MUC5AC: variants seen among roughly 807,000 people sequenced by gnomAD.
MUC5AC encodes mucin 5AC, oligomeric mucus/gel-forming.
Under a neutral mutation model 169.7 loss-of-function variants are expected in MUC5AC, and 158 were observed. The observed-to-expected ratio is 0.93, with a 90% CI of 0.82 to 1.06. The LOEUF (loss-of-function observed/expected upper bound fraction) is 1.06, where lower values mean the gene tolerates loss of function less well. Among genes scored for constraint, MUC5AC ranks in the 50% least tolerant of loss-of-function variants. The pLI is 0.00. For missense variants in MUC5AC, 4,359 were observed against 3,089.9 expected (o/e 1.41, Z -9.74); for synonymous variants, 1,975 against 1,237.0 (o/e 1.60, Z -12.52).
rs916437506 is a variant in MUC5AC, at chr11:1,172,454, G to A, written c.1896G>A (p.Ser632=). 5.3e-5 allele frequency: 21 copies of A among 398,670 alleles called. No homozygotes were observed. The highest frequency in any genetic ancestry group is 2.5e-4 in the African/African-American group (12 of 48,752). 24.7% of individuals were successfully genotyped at this position (398,670 alleles called of 1,614,324 possible). ...ENEKYAQHWC[S]QLTDADGPFG... The stretch of plus-strand genomic sequence containing the variant: ...AGAAGTATGCTCAGCACTGGTGCTC[G>A]CAGCTGACCGATGCCGACGGCCCCT... Residue 632 remains serine, a synonymous_variant, in exon 16 of 49, where the codon TCG becomes TCA. Transcript: ENST00000621226.
In MUC5AC at chr11:1,195,131, C is replaced by T. The variant is rs74406541; in HGVS notation, c.15310C>T (p.Arg5104Trp). The change falls in exon 36 of 49, where the codon CGG becomes TGG. Residue 5104 changes from arginine to tryptophan, a missense_variant. Transcript: ENST00000621226. Reference sequence around the variant, plus strand: ...CATACCCGACCAGCCAGCCTGCCACCGGCCTCACCCGACGCCCACCACGGT... The same window carrying T: ...CATACCCGACCAGCCAGCCTGCCACTGGCCTCACCCGACGCCCACCACGGT... Reference protein sequence around the residue: ...VSIPDQPACHRPHPTPTTVGP... With the variant: ...VSIPDQPACHWPHPTPTTVGP... 16 of 764,316 alleles carry T rather than the reference C, an allele frequency of 2.1e-5. No individual in the cohort carries two copies. Among genetic ancestry groups the T allele is most frequent in the African/African-American group, 1.7e-4 (10 of 59,136 alleles). The allele number at this position is 764,316 out of a possible 1,614,324, so 47.3% of individuals were successfully genotyped here.
In MUC5AC at chr11:1,168,986, G is replaced by C. The variant is rs764010527; in HGVS notation, c.1830G>C (p.Arg610Ser). 6.2e-7 allele frequency: 1 copy of C among 1,608,916 alleles called. No homozygotes were observed. Among genetic ancestry groups the C allele is most frequent in the African/African-American group, 1.3e-5 (1 of 74,938 alleles). Residue 610 changes from arginine to serine, a missense_variant, in exon 15 of 49, where the codon AGG becomes AGC. Arg to Ser is a moderately radical substitution (Grantham distance 110). Coordinates refer to ENST00000621226, the MANE Select transcript of MUC5AC (RefSeq NM_001304359.2). ...CCCAGGCCGCCTGCCCCAACATCAG[G>C]AACAGCTTCGAGGACCCCTGCTCTC... ...FKTQAACPNI[R>S]NSFEDPCSLS...
chr11:1,161,003 C>T (rs1163645400), intron 2 of MUC5AC, among the ~76,000 whole-genome samples: 1 of 152,204 alleles, frequency 6.6e-6, no homozygotes, highest in African/African-American at 2.4e-5. Context: ...CTTGGTGTCC[C>T]CCCCGTTCAC....
At chr11:1,162,206 G>T (rs372150343) in intron 4 of MUC5AC, 38 bp downstream of exon 4, 3 of 1,594,672 alleles carry the variant, frequency 1.9e-6, no homozygotes, top group Non-Finnish European at 2.6e-6. Flanking sequence ...GCCACGCGGC[G>T]TGTGGGGTGG....
chr11:1,190,384 G>A lies in MUC5AC; in HGVS notation c.12239G>A (p.Ser4080Asn). Residue 4080 changes from serine to asparagine, a missense_variant, in exon 31 of 49, where the codon AGC becomes AAC. Ser to Asn is a conservative substitution (Grantham distance 46). Transcript: ENST00000621226. ...PSGRATSPTQ[S>N]TSSWQKSRTT... ...GGGAGAGCCACCAGCCCAACTCAGAGCACTTCCTCTTGGCAGAAATCCAGG... is the reference window on the plus strand; with the variant it reads ...GGGAGAGCCACCAGCCCAACTCAGAACACTTCCTCTTGGCAGAAATCCAGG... The A allele has an allele frequency of 1.5e-6, 1 of 661,306 alleles. No homozygotes were observed. Among genetic ancestry groups the A allele is most frequent in the Non-Finnish European group, 2.7e-6 (1 of 364,078 alleles). The allele number at this position is 661,306 out of a possible 1,614,324, so 41.0% of individuals were successfully genotyped here.
In MUC5AC at chr11:1,165,764, C is replaced by T. The variant is rs764205512; in HGVS notation, c.1386+4C>T. ...CTGCAGCTATGTGCTGACCAAGGTA[C>T]GGCCTGGCTGCCTGGGGTGCTCGCC... On this transcript the variant is annotated splice_donor_region_variant and intron_variant, in intron 11 of 48. Coordinates refer to ENST00000621226, the MANE Select transcript of MUC5AC (RefSeq NM_001304359.2). 22 of 1,611,564 alleles carry T rather than the reference C, an allele frequency of 1.4e-5. No individual in the cohort carries two copies. Among genetic ancestry groups the T allele is most frequent in the Admixed American group, 3.3e-5 (2 of 60,008 alleles).
rs1301285572 is a variant in MUC5AC at position 1,187,277 on chromosome 11, A to G, written c.9132A>G (p.Thr3044=). ...TSTTSTPTSS[T]TSSPQTSTTS... ...CAACCTCTACCCCTACAAGCAGCAC[A>G]ACCTCCTCTCCACAGACCAGCACAA... is the stretch of plus-strand genomic sequence containing the variant. Residue 3044 remains threonine, a synonymous_variant, in exon 31 of 49, where the codon ACA becomes ACG. Coordinates refer to ENST00000621226, the MANE Select transcript of MUC5AC (RefSeq NM_001304359.2). 1.4e-3 allele frequency: 1,004 copies of G among 696,558 alleles called. No homozygotes were observed. The highest frequency in any genetic ancestry group is 2.1e-3 in the Non-Finnish European group (802 of 382,948). The allele number at this position is 696,558 out of a possible 1,614,324, so 43.1% of individuals were successfully genotyped here.
intron 36 of MUC5AC, 31 bp from the exon 37 acceptor site, chr11:1,195,845 G>T (rs765043256): frequency 1.3e-6 from 1 of 758,066 alleles, no homozygotes. Flanking sequence ...CGGAGAGGCT[G>T]CACCCAGCAC....
intron 40 of MUC5AC, 145 bp downstream of exon 40, chr11:1,197,053 C>A: frequency 1.6e-6 from 1 of 629,062 alleles, no homozygotes; most frequent in Non-Finnish European, 2.8e-6. Context: ...GAAAGGGCTG[C>A]GGGAGGAGCC....
chr11:1,161,367 ATGG>A (rs1860135133), intron 2 of MUC5AC, among the ~76,000 whole-genome samples, 157 bp from the exon 3 acceptor site: 1 of 93,032 alleles, frequency 1.1e-5, no homozygotes, highest in Admixed American at 1.6e-4. Context: ...CAACGTGCAG[ATGG>A]TGGGTGGGTG....
intron 11 of MUC5AC, among the ~76,000 whole-genome samples, chr11:1,166,886 C>T (rs1860348637): frequency 2.9e-5 from 1 of 35,030 alleles, no homozygotes; most frequent in Non-Finnish European, 5.4e-5. Context: ...AGATGAGACC[C>T]TGCACCCGAC....
At position 1,194,223 on chromosome 11, in the gene MUC5AC, C is replaced by T. The variant is rs1564918471; in HGVS notation, c.14869C>T (p.His4957Tyr). ...GCAGCAGATTGTGCCCGTGTATGGC[C>T]ACTTCCGCGTGCTCGTCGACAACTA... ...LVQQIVPVYG[H>Y]FRVLVDNYFC... The change falls in exon 34 of 49, where the codon CAC (histidine) becomes TAC (tyrosine). Residue 4957 changes from histidine to tyrosine, a missense_variant. Coordinates refer to ENST00000621226, the MANE Select transcript of MUC5AC (RefSeq NM_001304359.2). The T allele has an allele frequency of 1.3e-6, 1 of 765,040 alleles. No individual in the cohort carries two copies. The highest frequency in any genetic ancestry group is 1.7e-5 in the African/African-American group (1 of 59,270). 47.4% of individuals were successfully genotyped at this position (765,040 alleles called of 1,614,324 possible).
In MUC5AC at chr11:1,200,865, G is replaced by A; in HGVS notation, c.*163G>A. 1.9e-6 allele frequency: 1 copy of A among 524,162 alleles called. No homozygotes were observed. Among genetic ancestry groups the A allele is most frequent in the Non-Finnish European group, 3.4e-6 (1 of 294,628 alleles). 32.5% of individuals were successfully genotyped at this position (524,162 alleles called of 1,614,324 possible). Reference sequence around the variant, plus strand: ...GGAGGGTGTGGGCTATGGGTCACCTGCTGCCTGGAGGAGGGGCCCTTACCC... The same window carrying A: ...GGAGGGTGTGGGCTATGGGTCACCTACTGCCTGGAGGAGGGGCCCTTACCC... On this transcript the variant is annotated 3_prime_UTR_variant, in exon 49 of 49. Transcript: ENST00000621226.
At chr11:1,197,136 G>A (rs1564920568) in intron 40 of MUC5AC, among the ~76,000 whole-genome samples, 2 of 152,188 alleles carry the variant, frequency 1.3e-5, no homozygotes, top group African/African-American at 2.4e-5. Context: ...GTGCCGGGGC[G>A]TCTGTCCTGG....
In MUC5AC at chr11:1,189,150, C is replaced by G. The variant is rs1269125775; in HGVS notation, c.11005C>G (p.Gln3669Glu). 1.2e-3 allele frequency: 739 copies of G among 596,784 alleles called. 9 individuals are homozygous for G. In the African/African-American group the frequency reaches 0.013, roughly 10 times the overall value. 37.0% of individuals were successfully genotyped at this position (596,784 alleles called of 1,614,324 possible). ...GACAAGCAGCATAACCTCCACTACA[C>G]AGACCAGCACAACCTCTGCCCCTAC... ...LVTSSITSTTQTSTTSAPTTS... is the reference protein window; with the variant it reads ...LVTSSITSTTETSTTSAPTTS... Residue 3669 changes from glutamine (Q) to glutamate (E), a missense_variant, in exon 31 of 49, where the codon CAG becomes GAG. Physicochemically the swap from Gln to Glu is conservative, Grantham distance 29. Transcript: ENST00000621226.
intron 10 of MUC5AC, 89 bp from the exon 11 acceptor site, chr11:1,165,533 G>T: frequency 6.3e-7 from 1 of 1,589,438 alleles, no homozygotes; most frequent in Non-Finnish European, 8.6e-7. Context: ...AGGCAGGCCT[G>T]GGGTGAGACC....
chr11:1,163,799 G>A lies in MUC5AC; in HGVS notation c.680-83G>A, dbSNP rs1370568808. 22 of 1,128,094 alleles carry A rather than the reference G, an allele frequency of 2.0e-5. No individual in the cohort carries two copies. In the Admixed American group the frequency reaches 2.6e-4, roughly 14 times the overall value. 69.9% of individuals were successfully genotyped at this position (1,128,094 alleles called of 1,614,324 possible). A position where few individuals can be genotyped will look rare whatever the true frequency, so the allele number is the denominator to read the frequency against. On this transcript the variant is annotated intron_variant, in intron 6 of 48. Transcript: ENST00000621226. The stretch of plus-strand genomic sequence containing the variant: ...CCTTCTAACCCCACCCCAGGGACCC[G>A]GCCCTGGGGGCTCTGCTGCTCGGGT...
In MUC5AC at chr11:1,177,625, G is replaced by A. The variant is rs1179479672; in HGVS notation, c.3079G>A (p.Glu1027Lys). The A allele has an allele frequency of 7.5e-6, 3 of 398,734 alleles. No homozygotes were observed. Among genetic ancestry groups the A allele is most frequent in the Non-Finnish European group, 1.3e-5 (3 of 226,166 alleles). The allele number at this position is 398,734 out of a possible 1,614,324, so 24.7% of individuals were successfully genotyped here. A position where few individuals can be genotyped will look rare whatever the true frequency, so the allele number is the denominator to read the frequency against. Residue 1027 changes from glutamate to lysine, a missense_variant, in exon 24 of 49, where the codon GAG becomes AAG. Physicochemically the swap from Glu to Lys is moderately conservative, Grantham distance 56. Transcript: ENST00000621226. Reference protein sequence around the residue: ...KTSIFINLSPEFKGRVCGLCG... With the variant: ...KTSIFINLSPKFKGRVCGLCG... ...CAGCATCTTCATCAACCTCAGCCCC[G>A]AGTTCAAGGTGAGACCACGCCCCTC...
chr11:1,193,471 CTG>C lies in MUC5AC; in HGVS notation c.14581-11_14581-10del, dbSNP rs369536225. On this transcript the variant is annotated splice_polypyrimidine_tract_variant and intron_variant, in intron 32 of 48. Transcript: ENST00000621226. ...GGGAGAGGCCGGACCCTGCAGGTCT[CTG>C]TGCTTCTGCAGAAAGGTGAGACCTG... The C allele has an allele frequency of 8.4e-5, 60 of 717,352 alleles. No individual in the cohort carries two copies. The highest frequency in any genetic ancestry group is 1.5e-4 in the Non-Finnish European group (59 of 393,534). The allele number at this position is 717,352 out of a possible 1,614,324, so 44.4% of individuals were successfully genotyped here.
Sources: gnomAD v4.1 joint callset for allele counts (sites outside exome capture counted in the v4.1 genomes callset) on GRCh38, gnomAD v4.1.1 for gene constraint, MANE v1.5 for transcripts, NCBI Gene and HGNC (gene_info 2026-07-23, HGNC 2026-07-21) for gene names.